The following CLIC5 variants were observed in gnomAD, a reference collection of about 807,000 sequenced individuals.
The protein encoded by CLIC5 is chloride intracellular channel protein 5.
In CLIC5, 20 loss-of-function variants were observed where a neutral mutation model predicts 24.7. That is an observed-to-expected ratio of 0.81 (90% CI 0.57 to 1.18). CLIC5 has a LOEUF of 1.18. Ranked by LOEUF, CLIC5 falls within the 50% of genes most tolerant of loss-of-function variation. CLIC5 has a pLI of 0.00. For missense variants in CLIC5, 341 were observed against 326.1 expected, an observed-to-expected ratio of 1.05 and a Z score of -0.35; for synonymous variants, 159 against 135.6, an observed-to-expected ratio of 1.17 and a Z score of -1.20.
intron 3 of CLIC5, among the ~76,000 whole-genome samples, chr6:45,943,962 A>G (rs543201816): frequency 1.3e-5 from 2 of 152,344 alleles, no homozygotes. Context: ...AAGTGCATTC[A>G]TTTTACCTCC....
At chr6:46,021,088 C>CA (rs61574485) in intron 1 of CLIC5, among the ~76,000 whole-genome samples, 12,802 of 70,792 alleles carry the variant, frequency 0.18, 808 homozygotes, top group Non-Finnish European at 0.25. Context: ...TTTTACAACT[C>CA]AAAAAAAAAA....
intron 1 of CLIC5, among the ~76,000 whole-genome samples, chr6:45,984,897 G>C (rs1162825743): frequency 6.6e-6 from 1 of 152,196 alleles, no homozygotes; most frequent in Non-Finnish European, 1.5e-5. Context: ...GCCTGGAACT[G>C]TCTTAATACC....
chr6:45,978,532 G>A (rs370123656), intron 1 of CLIC5, among the ~76,000 whole-genome samples: 1 of 152,218 alleles, frequency 6.6e-6, no homozygotes, highest in African/African-American at 2.4e-5. Flanking sequence ...CCATTTGAAA[G>A]CCTTGTTAAA....
At chr6:45,903,382 A>T (rs1343957768) in intron 5 of CLIC5, 127 bp from the exon 6 acceptor site, 4 of 673,006 alleles carry the variant, frequency 5.9e-6, no homozygotes, top group Non-Finnish European at 9.1e-6. Flanking sequence ...GCCATCAGTG[A>T]TATGTTTGAA....
downstream of CLIC5, chr6:45,880,981 CG>C (rs1259367613): frequency 2.8e-5 from 11 of 394,418 alleles, no homozygotes; most frequent in Non-Finnish European, 4.9e-5. Context: ...AATGGGGGGA[CG>C]GGTGCAGGGA....
rs3997321 is a variant in CLIC5, at chr6:45,979,951, C to CTTTTTTTTTTT, written c.64-24718_64-24708dup. Among the ~76,000 whole-genome samples the CTTTTTTTTTTT allele has an allele frequency of 1.2e-3, 116 of 95,040 alleles. 1 individual carries two copies. The highest frequency in any genetic ancestry group is 1.9e-3 in the Non-Finnish European group (93 of 50,020). The allele number at this position is 95,040 out of a possible 152,430, so 62.3% of individuals were successfully genotyped here. A position where few individuals can be genotyped will look rare whatever the true frequency, so the allele number is the denominator to read the frequency against. ...GCAATTGCTTTTGGAGACTTAGTCACTTTTTTTTTTTTTTTTTTTGCCAAG... is the reference window on the plus strand; with the variant it reads ...GCAATTGCTTTTGGAGACTTAGTCACTTTTTTTTTTTTTTTTTTTTTTTTTTTTTTGCCAAG... On this transcript the variant is annotated intron_variant, in intron 1 of 5. Coordinates refer to ENST00000339561, the MANE Select transcript of CLIC5 (RefSeq NM_016929.5).
At chr6:45,904,094 G>C (rs182413425) in intron 5 of CLIC5, among the ~76,000 whole-genome samples, 2 of 152,254 alleles carry the variant, frequency 1.3e-5, no homozygotes, top group African/African-American at 2.4e-5. Context: ...ATGGGCTCTG[G>C]ATACCAACTG....
intron 1 of CLIC5, among the ~76,000 whole-genome samples, chr6:46,034,132 C>T (rs1252534511): frequency 2.0e-5 from 3 of 152,162 alleles, no homozygotes; most frequent in African/African-American, 7.2e-5. Flanking sequence ...CGTGGGGAGA[C>T]CCTTTCTTTG....
At chr6:46,071,345 G>A (rs1164532488) in intron 1 of CLIC5, among the ~76,000 whole-genome samples, 7 of 151,884 alleles carry the variant, frequency 4.6e-5, no homozygotes, top group Non-Finnish European at 1.0e-4. Context: ...GTAATATCCA[G>A]CATCTAAAAG....
intron 1 of CLIC5, among the ~76,000 whole-genome samples, chr6:45,974,497 G>GTGTATATATATATATATATATATATA (rs1192750031): frequency 1.3e-5 from 1 of 76,214 alleles, no homozygotes; most frequent in Non-Finnish European, 2.5e-5. Context: ...GTGTGTGTGT[G>GTGTATATATATATATATATATATATA]TATATATATA....
At chr6:46,007,802 A>G (rs193180707) in intron 1 of CLIC5, among the ~76,000 whole-genome samples, 44 of 152,040 alleles carry the variant, frequency 2.9e-4, no homozygotes, top group African/African-American at 1.0e-3. Context: ...ATCACATTTT[A>G]TAGAAAAAAA....
chr6:46,010,499 G>A (rs3777625), intron 1 of CLIC5, among the ~76,000 whole-genome samples: 55,777 of 152,120 alleles, frequency 0.37, 10,764 homozygotes, highest in Middle Eastern at 0.54. Flanking sequence ...CTAACATGGG[G>A]CCAGCAGCTG....
chr6:46,003,186 C>A (rs1036003163), intron 1 of CLIC5, among the ~76,000 whole-genome samples: 2 of 152,162 alleles, frequency 1.3e-5, no homozygotes, highest in Admixed American at 1.3e-4. Flanking sequence ...TAGCAGTTAG[C>A]CACTGTTGCT....
chr6:45,967,389 A>G (rs557364583), intron 1 of CLIC5, among the ~76,000 whole-genome samples: 125 of 152,340 alleles, frequency 8.2e-4, no homozygotes, highest in Middle Eastern at 3.4e-3. Flanking sequence ...GAAGTGCAGT[A>G]GTAGTAGAGA....
chr6:45,973,206 A>G (rs1400920394), intron 1 of CLIC5, among the ~76,000 whole-genome samples: 1 of 152,202 alleles, frequency 6.6e-6, no homozygotes, highest in Non-Finnish European at 1.5e-5. Flanking sequence ...CTGTGGGACC[A>G]GTCAGATGTC....
intron 1 of CLIC5, among the ~76,000 whole-genome samples, chr6:46,006,282 T>C (rs1044092417): frequency 6.6e-6 from 1 of 151,026 alleles, no homozygotes; most frequent in Non-Finnish European, 1.5e-5. Flanking sequence ...GTAGCTGGGA[T>C]TACAGGCATG....
intron 1 of CLIC5, among the ~76,000 whole-genome samples, chr6:45,989,933 G>A (rs930222582): frequency 1.3e-5 from 2 of 152,052 alleles, no homozygotes; most frequent in African/African-American, 2.4e-5. Flanking sequence ...CTCCAGCGAC[G>A]TCTCCATCCA....
In CLIC5 at chr6:45,903,077, A is replaced by C; in HGVS notation, c.*11T>G. ...TCCTTCTGCAGCGGGGATGGGGCAA[A>C]ATGGCTGTGCTCAGGATCGGCTGAG... On this transcript the variant is annotated 3_prime_UTR_variant, in exon 6 of 6. Coordinates refer to ENST00000339561, the MANE Select transcript of CLIC5 (RefSeq NM_016929.5). 1 of 1,613,900 alleles carries C rather than the reference A, an allele frequency of 6.2e-7. No homozygotes were observed. Among genetic ancestry groups the C allele is most frequent in the Non-Finnish European group, 8.5e-7 (1 of 1,179,932 alleles).
chr6:45,989,954 T>C (rs1765875059), intron 1 of CLIC5, among the ~76,000 whole-genome samples: 1 of 152,124 alleles, frequency 6.6e-6, no homozygotes, highest in African/African-American at 2.4e-5. Context: ...TATATGCATC[T>C]TTGTTCTTGA....
Sources: allele counts gnomAD v4.1 joint callset (sites outside exome capture counted in the v4.1 genomes callset), GRCh38; gene constraint gnomAD v4.1.1; transcripts MANE v1.5; gene names NCBI Gene and HGNC (gene_info 2026-07-23, HGNC 2026-07-21).